The following FBXL7 variants were observed in gnomAD, a reference collection of about 807,000 sequenced individuals.
The protein encoded by FBXL7 is F-box/LRR-repeat protein 7.
In FBXL7, 12 loss-of-function variants were observed where a neutral mutation model predicts 38.3. The ratio of observed to expected loss-of-function variants is 0.31; its 90% CI spans 0.20 to 0.51. The LOEUF (loss-of-function observed/expected upper bound fraction) is 0.51, where lower values mean the gene tolerates loss of function less well. FBXL7 is among the 20% of genes least tolerant of loss of function. The pLI is 0.98. For missense variants in FBXL7, 567 were observed against 676.4 expected, an observed-to-expected ratio of 0.84 and a Z score of 1.79; for synonymous variants, 297 against 300.9, an observed-to-expected ratio of 0.99 and a Z score of 0.13.
chr5:15,926,280 C>G (rs948106387), intron 2 of FBXL7, among the ~76,000 whole-genome samples: 2 of 148,776 alleles, frequency 1.3e-5, no homozygotes, highest in African/African-American at 4.9e-5. Context: ...ATATATCCAA[C>G]GTGTATATAT....
intron 2 of FBXL7, among the ~76,000 whole-genome samples, chr5:15,776,346 A>G (rs1457723686): frequency 6.6e-6 from 1 of 152,136 alleles, no homozygotes; most frequent in East Asian, 1.9e-4. Flanking sequence ...CAACTAGTTA[A>G]TAAAGAATAC....
intron 2 of FBXL7, among the ~76,000 whole-genome samples, chr5:15,676,254 G>A (rs570235750): frequency 6.6e-6 from 1 of 152,270 alleles, no homozygotes; most frequent in African/African-American, 2.4e-5. Flanking sequence ...CATCTTTGTA[G>A]ATGTTTTTTA....
chr5:15,637,405 G>T (rs1462787377), intron 2 of FBXL7, among the ~76,000 whole-genome samples: 1 of 152,112 alleles, frequency 6.6e-6, no homozygotes, highest in Non-Finnish European at 1.5e-5. Flanking sequence ...AAAACCATAA[G>T]CATATTTTTT....
chr5:15,818,703 C>CAT (rs1738084268), intron 2 of FBXL7, among the ~76,000 whole-genome samples: 3 of 116,768 alleles, frequency 2.6e-5, no homozygotes, highest in Admixed American at 1.7e-4. Flanking sequence ...CCCATTATTT[C>CAT]GTGTGTGTGT....
At chr5:15,720,853 CTG>C (rs887937772) in intron 2 of FBXL7, among the ~76,000 whole-genome samples, 21 of 151,732 alleles carry the variant, frequency 1.4e-4, no homozygotes, top group Admixed American at 2.6e-4. Flanking sequence ...TATTATATAA[CTG>C]GGTGTTTTGG....
In FBXL7 at chr5:15,906,513, A is replaced by AT. The variant is rs34465454; in HGVS notation, c.128-21362dup. Among the ~76,000 whole-genome samples, 48 of 134,416 alleles carry AT rather than the reference A, an allele frequency of 3.6e-4. 1 individual carries two copies. The highest frequency in any genetic ancestry group is 1.2e-3 in the African/African-American group (35 of 29,908). The allele number at this position is 134,416 out of a possible 152,430, so 88.2% of individuals were successfully genotyped here. A position where few individuals can be genotyped will look rare whatever the true frequency, so the allele number is the denominator to read the frequency against. On this transcript the variant is annotated intron_variant, in intron 2 of 3. Transcript: ENST00000504595. ...TTTAGTTGTTCAGGATCCACAAAAA[A>AT]TTTTTTTTTTTTTTTATTATACTCT... is the stretch of plus-strand genomic sequence containing the variant.
At chr5:15,866,497 T>A (rs1739716354) in intron 2 of FBXL7, among the ~76,000 whole-genome samples, 1 of 152,198 alleles carries the variant, frequency 6.6e-6, no homozygotes, top group Admixed American at 6.5e-5. Flanking sequence ...TGTTCCTGTA[T>A]TTTTTCCTTT....
chr5:15,506,408 A>T lies in FBXL7; in HGVS notation c.37+5695A>T, dbSNP rs939229714. On this transcript the variant is annotated intron_variant, in intron 1 of 3. Transcript: ENST00000504595. ...AAGAACTCAAAATTTAAAACTTAGG[A>T]ATTGTCTATTTCTGGAAATGTTTAT... Among the ~76,000 whole-genome samples the T allele has an allele frequency of 4.8e-4, 73 of 152,108 alleles. 1 individual carries two copies. The highest frequency in any genetic ancestry group is 4.5e-3 in the Admixed American group (68 of 15,270).
chr5:15,836,599 A>T (rs1738598208), intron 2 of FBXL7, among the ~76,000 whole-genome samples: 1 of 152,158 alleles, frequency 6.6e-6, no homozygotes, highest in Non-Finnish European at 1.5e-5. Context: ...TCTAGGTGGG[A>T]GTGTGCCTCG....
At chr5:15,800,470 GAAAC>G (rs1737533666) in intron 2 of FBXL7, among the ~76,000 whole-genome samples, 1 of 152,212 alleles carries the variant, frequency 6.6e-6, no homozygotes, top group African/African-American at 2.4e-5. Context: ...GGGAATTCAT[GAAAC>G]AAACAAACCA....
At chr5:15,587,485 T>C (rs1234877049) in intron 1 of FBXL7, among the ~76,000 whole-genome samples, 1 of 152,204 alleles carries the variant, frequency 6.6e-6, no homozygotes, top group Non-Finnish European at 1.5e-5. Flanking sequence ...TTTTGTTTCC[T>C]AATTATGTAC....
intron 1 of FBXL7, among the ~76,000 whole-genome samples, chr5:15,540,645 C>G (rs1424598267): frequency 6.6e-6 from 1 of 151,838 alleles, no homozygotes; most frequent in Non-Finnish European, 1.5e-5. Flanking sequence ...GACATTTATT[C>G]TTTAAAAAGA....
chr5:15,555,308 G>A (rs1455350244), intron 1 of FBXL7, among the ~76,000 whole-genome samples: 2 of 152,126 alleles, frequency 1.3e-5, no homozygotes, highest in Admixed American at 1.3e-4. Context: ...GAAATCAAAG[G>A]CCTGTGTTGT....
chr5:15,506,558 C>T (rs1028493399), intron 1 of FBXL7, among the ~76,000 whole-genome samples: 13 of 152,076 alleles, frequency 8.5e-5, no homozygotes, highest in Admixed American at 6.6e-5. Flanking sequence ...AGTACCATGA[C>T]CAGGTGACTT....
chr5:15,842,574 G>C (rs1401588356), intron 2 of FBXL7, among the ~76,000 whole-genome samples: 1 of 152,162 alleles, frequency 6.6e-6, no homozygotes, highest in Non-Finnish European at 1.5e-5. Flanking sequence ...AGGGTGTAAT[G>C]ATATGGTTTG....
At chr5:15,893,626 C>G (rs1463069966) in intron 2 of FBXL7, among the ~76,000 whole-genome samples, 1 of 151,638 alleles carries the variant, frequency 6.6e-6, no homozygotes, top group Middle Eastern at 3.2e-3. Context: ...TCTACAAGGT[C>G]CAATTAAAAA....
intron 2 of FBXL7, among the ~76,000 whole-genome samples, chr5:15,777,725 A>C (rs113282014): frequency 9.5e-6 from 1 of 105,576 alleles, no homozygotes; most frequent in African/African-American, 3.1e-5. Context: ...TCTGGTAAAA[A>C]AAAAAAAAAA....
In FBXL7 at chr5:15,796,078, A is replaced by G. The variant is rs1737409294; in HGVS notation, c.128-131812A>G. On this transcript the variant is annotated intron_variant, in intron 2 of 3. Coordinates refer to ENST00000504595, the MANE Select transcript of FBXL7 (RefSeq NM_012304.5). ...AATTGTGAATAAATCTTGAGATGTAATAGGATTCTCAGAATCAACTTTGAA... is the reference window on the plus strand; with the variant it reads ...AATTGTGAATAAATCTTGAGATGTAGTAGGATTCTCAGAATCAACTTTGAA... Among the ~76,000 whole-genome samples, 6 of 152,360 alleles carry G rather than the reference A, an allele frequency of 3.9e-5. No homozygotes were observed. The South Asian group carries it at 1.2e-3, about 32-fold the overall frequency.
chr5:15,883,287 G>A (rs1740536420), intron 2 of FBXL7, among the ~76,000 whole-genome samples: 1 of 152,156 alleles, frequency 6.6e-6, no homozygotes, highest in Admixed American at 6.6e-5. Context: ...ATCTTTGACA[G>A]AGAAGTTTTA....
Sources: allele counts gnomAD v4.1 joint callset (sites outside exome capture counted in the v4.1 genomes callset), GRCh38; gene constraint gnomAD v4.1.1; transcripts MANE v1.5; gene names NCBI Gene and HGNC (gene_info 2026-07-23, HGNC 2026-07-21).